CUL1: variants seen among roughly 807,000 people sequenced by gnomAD.
CUL1 encodes cullin-1.
CUL1 carries 24 observed loss-of-function variants against 118.0 expected under a neutral mutation model. The observed-to-expected ratio is 0.20, with a 90% CI of 0.15 to 0.29. CUL1 has a LOEUF of 0.29. CUL1 is among the 10% of genes least tolerant of loss of function. The probability of loss-of-function intolerance (pLI) is 1.00; values close to 1 mark genes in which losing one functional copy is unlikely to be tolerated. For synonymous variants in CUL1, 332 were observed against 340.4 expected, an observed-to-expected ratio of 0.98 and a Z score of 0.27; for missense variants, 361 against 933.8, an observed-to-expected ratio of 0.39 and a Z score of 7.99.
intron 16 of CUL1, among the ~76,000 whole-genome samples, chr7:148,791,060 C>G (rs963847102): frequency 1.3e-5 from 2 of 152,148 alleles, no homozygotes; most frequent in Non-Finnish European, 2.9e-5. Context: ...GTGGCTCACG[C>G]TTGTAATCCT....
chr7:148,748,820 T>C (rs1201014356), intron 2 of CUL1, among the ~76,000 whole-genome samples: 1 of 152,214 alleles, frequency 6.6e-6, no homozygotes, highest in East Asian at 1.9e-4. Context: ...TTCCGCAATT[T>C]AATTTTAAAA....
chr7:148,740,015 C>G (rs544633031), intron 2 of CUL1, among the ~76,000 whole-genome samples: 1 of 151,634 alleles, frequency 6.6e-6, no homozygotes, highest in Non-Finnish European at 1.5e-5. Context: ...AATGTCTACC[C>G]CAAAAGTTGA....
chr7:148,742,080 A>G (rs895402061), intron 2 of CUL1, among the ~76,000 whole-genome samples: 2 of 152,100 alleles, frequency 1.3e-5, no homozygotes, highest in African/African-American at 4.8e-5. Context: ...GGCTCTTTTG[A>G]GTCTCTTGAA....
chr7:148,754,984 G>C (rs999876887), intron 3 of CUL1, among the ~76,000 whole-genome samples: 26 of 152,102 alleles, frequency 1.7e-4, no homozygotes, highest in Non-Finnish European at 5.9e-5. Flanking sequence ...CAACTCCTGG[G>C]CTCAAGCAGT....
intron 2 of CUL1, among the ~76,000 whole-genome samples, chr7:148,753,241 A>G (rs1799549320): frequency 6.6e-6 from 1 of 152,188 alleles, no homozygotes; most frequent in Non-Finnish European, 1.5e-5. Context: ...CTTTCTGAGT[A>G]TAAGTATCTT....
intron 2 of CUL1, among the ~76,000 whole-genome samples, chr7:148,749,348 C>T (rs1023625559): frequency 3.2e-5 from 4 of 126,906 alleles, no homozygotes; most frequent in South Asian, 2.6e-4. Flanking sequence ...ACCCGGGAGG[C>T]GGAGGTTCAG....
chr7:148,775,620 T>C (rs558442392), intron 9 of CUL1, among the ~76,000 whole-genome samples: 1 of 152,300 alleles, frequency 6.6e-6, no homozygotes, highest in East Asian at 1.9e-4. Context: ...AAGTCAGACA[T>C]TTAATTACAC....
intron 2 of CUL1, among the ~76,000 whole-genome samples, chr7:148,733,134 G>A (rs1228145405): frequency 1.3e-5 from 2 of 152,130 alleles, no homozygotes; most frequent in Non-Finnish European, 2.9e-5. Context: ...TCTGACTCTA[G>A]AATTGCCTTT....
At chr7:148,724,246 A>G (rs1490738640) in intron 1 of CUL1, among the ~76,000 whole-genome samples, 3 of 152,226 alleles carry the variant, frequency 2.0e-5, no homozygotes, top group African/African-American at 4.8e-5. Context: ...ATTAGTTCAC[A>G]GTTGGAATTG....
intron 19 of CUL1, 89 bp from the exon 20 acceptor site, chr7:148,798,483 G>A (rs2129463867): frequency 1.1e-6 from 1 of 876,018 alleles, no homozygotes; most frequent in Non-Finnish European, 1.9e-6. Context: ...GGGAAGCAGG[G>A]CACTTCTTAA....
At chr7:148,746,422 C>T (rs781576933) in intron 2 of CUL1, among the ~76,000 whole-genome samples, 3 of 152,198 alleles carry the variant, frequency 2.0e-5, no homozygotes, top group Non-Finnish European at 4.4e-5. Context: ...TTGCAAGAAT[C>T]TGCCCTGAAA....
At chr7:148,772,257 A>C (rs1372963210) in intron 9 of CUL1, among the ~76,000 whole-genome samples, 1 of 152,176 alleles carries the variant, frequency 6.6e-6, no homozygotes, top group Non-Finnish European at 1.5e-5. Context: ...TCTACTAAAA[A>C]TACAAAAATT....
intron 2 of CUL1, among the ~76,000 whole-genome samples, chr7:148,745,676 G>A (rs1799290300): frequency 6.6e-6 from 1 of 152,076 alleles, no homozygotes; most frequent in African/African-American, 2.4e-5. Context: ...CTATTCGCAG[G>A]AAATCAATAA....
At chr7:148,798,551 T>C in intron 19 of CUL1, 21 bp from the exon 20 acceptor site, 1 of 1,567,510 alleles carries the variant, frequency 6.4e-7, no homozygotes, top group African/African-American at 1.4e-5. Flanking sequence ...TAGTGATCGG[T>C]TTCCTCATTT....
intron 2 of CUL1, among the ~76,000 whole-genome samples, chr7:148,743,836 C>T (rs914825315): frequency 3.9e-5 from 6 of 152,274 alleles, no homozygotes; most frequent in East Asian, 3.9e-4. Context: ...GCAGGAGAAT[C>T]GCTTGAACCT....
Position 148,767,468 on chromosome 7 carries a change from T to G in CUL1, c.953-151T>G, listed in dbSNP as rs771137722. 286 of 665,808 alleles carry G rather than the reference T, an allele frequency of 4.3e-4. 4 individuals carry two copies. Among genetic ancestry groups the G allele is most frequent in the Non-Finnish European group, 5.8e-5 (23 of 398,828 alleles). The allele number at this position is 665,808 out of a possible 1,614,324, so 41.2% of individuals were successfully genotyped here. On this transcript the variant is annotated intron_variant, in intron 8 of 21. Transcript: ENST00000325222. ...ATATACATATACCAAATAGAGAATA[T>G]TTGGTTATAATTAAATGCTATTGAT...
intron 1 of CUL1, among the ~76,000 whole-genome samples, chr7:148,721,243 T>G (rs1208450996): frequency 6.6e-6 from 1 of 152,174 alleles, no homozygotes; most frequent in Non-Finnish European, 1.5e-5. Context: ...GCCAACCCAT[T>G]CCCCACTAAG....
chr7:148,792,557 G>A (rs555253689), intron 16 of CUL1, among the ~76,000 whole-genome samples, 169 bp from the exon 17 acceptor site: 1 of 152,332 alleles, frequency 6.6e-6, no homozygotes, highest in African/African-American at 2.4e-5. Context: ...GCATTGTAGT[G>A]GCATTGCCAC....
At chr7:148,778,095 AAAG>A (rs1488340904) in intron 9 of CUL1, among the ~76,000 whole-genome samples, 10,527 of 78,246 alleles carry the variant, frequency 0.13, 985 homozygotes, top group Middle Eastern at 0.17. Flanking sequence ...AAAAAAAAAA[AAAG>A]AAGAAGAAGA....
Sources: allele counts gnomAD v4.1 joint callset (sites outside exome capture counted in the v4.1 genomes callset), GRCh38; gene constraint gnomAD v4.1.1; transcripts MANE v1.5; gene names NCBI Gene and HGNC (gene_info 2026-07-23, HGNC 2026-07-21).